Variants in TPD52L1 observed in about 807,000 individuals in gnomAD.
TPD52L1 encodes the protein tumor protein D53.
Under a neutral mutation model 28.7 loss-of-function variants are expected in TPD52L1, and 18 were observed. The observed-to-expected ratio is 0.63, with a 90% confidence interval of 0.43 to 0.93. The LOEUF (loss-of-function observed/expected upper bound fraction) is 0.93, where lower values mean the gene tolerates loss of function less well. Ranked by LOEUF, TPD52L1 falls within the 40% of genes least tolerant of loss-of-function variation. The pLI is 0.00. For missense variants in TPD52L1, 203 were observed against 254.8 expected, an observed-to-expected ratio of 0.80 and a Z score of 1.39; for synonymous variants, 75 against 88.8, an observed-to-expected ratio of 0.84 and a Z score of 0.88.
At chr6:125,213,030 G>A (rs1026386733) in intron 1 of TPD52L1, among the ~76,000 whole-genome samples, 1 of 152,102 alleles carries the variant, frequency 6.6e-6, no homozygotes, top group African/African-American at 2.4e-5. Flanking sequence ...ATGTAAAAGA[G>A]TAAAATGGCT....
At chr6:125,226,844 A>G (rs1253132327) in intron 2 of TPD52L1, among the ~76,000 whole-genome samples, 1 of 152,216 alleles carries the variant, frequency 6.6e-6, no homozygotes, top group Non-Finnish European at 1.5e-5. Flanking sequence ...TAAATGGAGG[A>G]GGACACATTG....
intron 1 of TPD52L1, among the ~76,000 whole-genome samples, chr6:125,218,428 T>G (rs925530444): frequency 1.3e-5 from 2 of 152,238 alleles, no homozygotes; most frequent in Non-Finnish European, 2.9e-5. Flanking sequence ...TCAGGTCTTT[T>G]GACCCATATT....
intron 1 of TPD52L1, among the ~76,000 whole-genome samples, chr6:125,192,321 C>A (rs373383726): frequency 7.0e-6 from 1 of 142,538 alleles, no homozygotes; most frequent in African/African-American, 2.7e-5. Context: ...CAAAAAAAAT[C>A]TTTTTTTTTT....
At chr6:125,162,146 C>T (rs1582830530) in intron 1 of TPD52L1, among the ~76,000 whole-genome samples, 1 of 152,136 alleles carries the variant, frequency 6.6e-6, no homozygotes, top group African/African-American at 2.4e-5. Flanking sequence ...ACTATTCATA[C>T]AATTTTCAAA....
intron 1 of TPD52L1, among the ~76,000 whole-genome samples, chr6:125,212,959 T>C (rs1290143966): frequency 1.3e-5 from 2 of 152,240 alleles, no homozygotes; most frequent in South Asian, 2.1e-4. Flanking sequence ...AATTACTAGA[T>C]TATAATCAGA....
intron 3 of TPD52L1, among the ~76,000 whole-genome samples, chr6:125,235,085 C>A (rs554605678): frequency 1.9e-5 from 2 of 107,582 alleles, no homozygotes; most frequent in East Asian, 7.1e-4. Flanking sequence ...CCAAGTGATA[C>A]CCTGTCTACA....
chr6:125,208,327 C>T (rs1213022731), intron 1 of TPD52L1, among the ~76,000 whole-genome samples: 1 of 152,190 alleles, frequency 6.6e-6, no homozygotes, highest in Non-Finnish European at 1.5e-5. Context: ...ACACAGTCAT[C>T]TAAGATAGTT....
At chr6:125,170,965 G>A (rs565644136) in intron 1 of TPD52L1, among the ~76,000 whole-genome samples, 1 of 152,188 alleles carries the variant, frequency 6.6e-6, no homozygotes, top group African/African-American at 2.4e-5. Flanking sequence ...GCCTTTCGTG[G>A]GTAGACTATG....
At chr6:125,183,688 G>C (rs1007227589) in intron 1 of TPD52L1, among the ~76,000 whole-genome samples, 14 of 152,090 alleles carry the variant, frequency 9.2e-5, no homozygotes, top group Admixed American at 9.2e-4. Context: ...CATGAGATTA[G>C]AACTGGAAAA....
intron 1 of TPD52L1, among the ~76,000 whole-genome samples, chr6:125,168,356 C>CAGGG (rs1791045267): frequency 6.6e-6 from 1 of 152,080 alleles, no homozygotes; most frequent in Non-Finnish European, 1.5e-5. Flanking sequence ...AGACCCACCA[C>CAGGG]AGGGATATCT....
intron 4 of TPD52L1, chr6:125,252,812 C>A (rs929555043): frequency 6.6e-6 from 1 of 152,186 alleles, no homozygotes; most frequent in African/African-American, 2.4e-5. Context: ...TTGTCCTTTT[C>A]TTTCTGTGTT....
chr6:125,219,821 C>T (rs1181605296), intron 1 of TPD52L1: 1 of 452,840 alleles, frequency 2.2e-6, no homozygotes, highest in Non-Finnish European at 4.1e-6. Flanking sequence ...TAAATGTAGA[C>T]CTCCCTGAAA....
At chr6:125,186,334 T>C (rs1366080134) in intron 1 of TPD52L1, among the ~76,000 whole-genome samples, 7 of 152,198 alleles carry the variant, frequency 4.6e-5, no homozygotes, top group Admixed American at 1.3e-4. Context: ...TTAGACATTG[T>C]AATATCAAAT....
At chr6:125,154,059 G>A in intron 1 of TPD52L1, 89 bp downstream of exon 1, 1 of 1,512,154 alleles carries the variant, frequency 6.6e-7, no homozygotes, top group African/African-American at 1.4e-5. Flanking sequence ...CTCTCGGACA[G>A]AACAGATTGG....
At chr6:125,262,756 GC>G in intron 6 of TPD52L1, 77 bp from the exon 7 acceptor site, 1 of 1,510,988 alleles carries the variant, frequency 6.6e-7, no homozygotes, top group South Asian at 1.3e-5. Context: ...AAGTAATCCA[GC>G]TTTTGGTATT....
chr6:125,243,066 G>T (rs1796708225), intron 3 of TPD52L1, among the ~76,000 whole-genome samples: 1 of 152,050 alleles, frequency 6.6e-6, no homozygotes. Flanking sequence ...GCTTAGTTTT[G>T]CTGGATACAA....
At chr6:125,203,761 GA>G (rs1177207126) in intron 1 of TPD52L1, 2 of 985,276 alleles carry the variant, frequency 2.0e-6, no homozygotes, top group Non-Finnish European at 1.2e-6. Flanking sequence ...ACAGACCCTG[GA>G]GGAACCACCC....
intron 1 of TPD52L1, among the ~76,000 whole-genome samples, chr6:125,173,615 C>T (rs961827108): frequency 2.0e-5 from 3 of 152,170 alleles, no homozygotes; most frequent in African/African-American, 7.2e-5. Flanking sequence ...CTTAAGAAGC[C>T]TGTTTAAACT....
At chr6:125,159,420 A>C (rs1790361577) in intron 1 of TPD52L1, among the ~76,000 whole-genome samples, 1 of 152,204 alleles carries the variant, frequency 6.6e-6, no homozygotes, top group Non-Finnish European at 1.5e-5. Flanking sequence ...AAATTTAGTT[A>C]CATCTTCAGG....
Sources: gnomAD v4.1 joint callset for allele counts (sites outside exome capture counted in the v4.1 genomes callset) on GRCh38, gnomAD v4.1.1 for gene constraint, MANE v1.5 for transcripts, NCBI Gene and HGNC (gene_info 2026-07-23, HGNC 2026-07-21) for gene names.